The following SLC9A9 variants were observed in gnomAD, a reference collection of about 807,000 sequenced individuals.
The protein encoded by SLC9A9 is solute carrier family 9 member A9.
A neutral mutation model predicts 77.8 loss-of-function variants in SLC9A9; 62 were observed. The observed-to-expected ratio is 0.80, with a 90% CI of 0.65 to 0.98. The LOEUF (loss-of-function observed/expected upper bound fraction) is 0.98. Ranked by LOEUF, SLC9A9 falls within the 50% of genes least tolerant of loss-of-function variation. The pLI is 0.00. For missense variants in SLC9A9, 775 were observed against 774.9 expected (o/e 1.00, Z 0.00); for synonymous variants, 320 against 283.5 (o/e 1.13, Z -1.29).
chr3:143,429,069 GATAA>G (rs1039956825), intron 12 of SLC9A9, among the ~76,000 whole-genome samples: 51 of 152,252 alleles, frequency 3.3e-4, no homozygotes, highest in African/African-American at 1.2e-3. Flanking sequence ...TCATCACAAT[GATAA>G]ATGTTAAAGT....
At position 143,408,558 on chromosome 3, in the gene SLC9A9, A is replaced by T. The variant is rs560789706; in HGVS notation, c.1470-26444T>A. The stretch of plus-strand genomic sequence containing the variant: ...ATTATTCAAGAAATAACCTCAGGTG[A>T]AACCGCCTCGAGCAGGGTGTCTTTC... On this transcript the variant is annotated intron_variant, in intron 12 of 15. Transcript: ENST00000316549. 2.0e-5 allele frequency among the ~76,000 whole-genome samples: 3 copies of T among 152,364 alleles called. No homozygotes were observed. The East Asian group carries it at 5.8e-4, about 29-fold the overall frequency.
At chr3:143,444,795 G>C (rs114233257) in intron 12 of SLC9A9, among the ~76,000 whole-genome samples, 2,392 of 152,300 alleles carry the variant, frequency 0.016, 68 homozygotes, top group African/African-American at 0.054. Flanking sequence ...CAGAGGAAAA[G>C]GAAGAGGTAA....
At chr3:143,824,483 C>T (rs748438346) in intron 2 of SLC9A9, among the ~76,000 whole-genome samples, 37 of 152,190 alleles carry the variant, frequency 2.4e-4, no homozygotes, top group Non-Finnish European at 5.3e-4. Flanking sequence ...TATCTAAAGA[C>T]CCTTCACTCC....
intron 7 of SLC9A9, among the ~76,000 whole-genome samples, chr3:143,576,118 T>A (rs1404902614): frequency 6.6e-6 from 1 of 152,254 alleles, no homozygotes; most frequent in Non-Finnish European, 1.5e-5. Context: ...CTGATTTTAG[T>A]TTCTCCACTT....
At chr3:143,687,106 T>G (rs533428622) in intron 5 of SLC9A9, among the ~76,000 whole-genome samples, 1 of 152,194 alleles carries the variant, frequency 6.6e-6, no homozygotes, top group East Asian at 1.9e-4. Flanking sequence ...ATAAAATGAA[T>G]CAAATTATAG....
intron 12 of SLC9A9, among the ~76,000 whole-genome samples, chr3:143,457,167 G>T (rs999058293): frequency 6.6e-6 from 1 of 151,992 alleles, no homozygotes; most frequent in Non-Finnish European, 1.5e-5. Flanking sequence ...CTATAGGCAT[G>T]TACCACCATG....
intron 14 of SLC9A9, among the ~76,000 whole-genome samples, chr3:143,286,991 G>A (rs1205599001): frequency 1.3e-5 from 2 of 152,128 alleles, no homozygotes; most frequent in Admixed American, 1.3e-4. Context: ...ACCCTTCTCT[G>A]TCTCAGTACC....
chr3:143,361,220 C>A (rs2032745253), intron 14 of SLC9A9, among the ~76,000 whole-genome samples: 1 of 152,202 alleles, frequency 6.6e-6, no homozygotes, highest in African/African-American at 2.4e-5. Context: ...GTTATATATT[C>A]TTCTTTTTCT....
intron 4 of SLC9A9, among the ~76,000 whole-genome samples, chr3:143,722,231 C>T (rs539467841): frequency 2.0e-4 from 31 of 152,068 alleles, no homozygotes; most frequent in Non-Finnish European, 3.4e-4. Context: ...CCCAGCACTT[C>T]GGGAGGCCGA....
intron 12 of SLC9A9, among the ~76,000 whole-genome samples, chr3:143,393,576 C>G (rs1300738053): frequency 6.6e-6 from 1 of 151,938 alleles, no homozygotes; most frequent in African/African-American, 2.4e-5. Flanking sequence ...CAAAAGCTAG[C>G]AGAAGGCAAG....
At chr3:143,684,141 T>TG (rs1189661253) in intron 5 of SLC9A9, among the ~76,000 whole-genome samples, 1 of 152,080 alleles carries the variant, frequency 6.6e-6, no homozygotes, top group Non-Finnish European at 1.5e-5. Context: ...CCACGAACAG[T>TG]GTTCTTAATA....
Position 143,493,712 on chromosome 3 carries a change from A to G in SLC9A9, c.1256T>C (p.Leu419Pro), listed in dbSNP as rs2035786866. 3 of 1,614,132 alleles carry G rather than the reference A, an allele frequency of 1.9e-6. No individual in the cohort carries two copies. Among genetic ancestry groups the G allele is most frequent in the East Asian group, 2.2e-5 (1 of 44,872 alleles). ...ACNIYPLSFL[L>P]NLGRKQKIPW... ...GATCTTCTGTTTTCGGCCTAGATTC[A>G]GGAGGAAGGAGAGGGGATATATGTT... The change falls in exon 11 of 16, where the codon CTG (leucine) becomes CCG (proline). Residue 419 changes from leucine to proline, a missense_variant. Physicochemically the swap from Leu to Pro is moderately conservative, Grantham distance 98. Transcript: ENST00000316549.
intron 6 of SLC9A9, among the ~76,000 whole-genome samples, chr3:143,590,626 G>A (rs909819823): frequency 1.3e-5 from 2 of 152,232 alleles, no homozygotes; most frequent in Non-Finnish European, 2.9e-5. Context: ...GACGATCCAT[G>A]GTTTTGCAAA....
intron 4 of SLC9A9, among the ~76,000 whole-genome samples, chr3:143,703,454 G>C (rs9835877): frequency 0.53 from 81,014 of 151,826 alleles, 22,018 homozygotes; most frequent in Non-Finnish European, 0.57. Context: ...TAAGCAATAT[G>C]CTCCTAAATG....
chr3:143,593,152 C>G (rs557276831), intron 6 of SLC9A9, among the ~76,000 whole-genome samples: 1 of 152,168 alleles, frequency 6.6e-6, no homozygotes, highest in East Asian at 1.9e-4. Context: ...GAAGAAAGGA[C>G]GTAGGTAAGG....
At chr3:143,402,181 G>T (rs1576473432) in intron 12 of SLC9A9, among the ~76,000 whole-genome samples, 1 of 152,040 alleles carries the variant, frequency 6.6e-6, no homozygotes. Context: ...AGAAACAGAA[G>T]AATTAAACAG....
intron 2 of SLC9A9, among the ~76,000 whole-genome samples, chr3:143,816,467 A>G (rs2009020673): frequency 6.6e-6 from 1 of 152,236 alleles, no homozygotes; most frequent in African/African-American, 2.4e-5. Flanking sequence ...TGCCTTTCAC[A>G]TTCAACATAG....
chr3:143,310,519 G>T (rs985523462), intron 14 of SLC9A9, among the ~76,000 whole-genome samples: 103 of 139,164 alleles, frequency 7.4e-4, no homozygotes, highest in Non-Finnish European at 1.4e-3. Flanking sequence ...AAACCAGAAA[G>T]TCTTCTATCA....
At chr3:143,613,244 A>G (rs1203605387) in intron 6 of SLC9A9, among the ~76,000 whole-genome samples, 1 of 152,216 alleles carries the variant, frequency 6.6e-6, no homozygotes, top group Admixed American at 6.5e-5. Context: ...TCTTTTCAAA[A>G]AGCATCTTAG....
Sources: gnomAD v4.1 joint callset for allele counts (sites outside exome capture counted in the v4.1 genomes callset) on GRCh38, gnomAD v4.1.1 for gene constraint, MANE v1.5 for transcripts, NCBI Gene and HGNC (gene_info 2026-07-23, HGNC 2026-07-21) for gene names.